Variants in CDH13 observed in about 807,000 individuals in gnomAD.
The protein encoded by CDH13 is cadherin 13.
In CDH13, 24 loss-of-function variants were observed where a neutral mutation model predicts 63.8. The observed-to-expected ratio is 0.38, with a 90% CI of 0.27 to 0.53. The LOEUF (loss-of-function observed/expected upper bound fraction) is 0.53. Among genes scored for constraint, CDH13 ranks in the 20% least tolerant of loss-of-function variants. The probability of loss-of-function intolerance (pLI) is 0.85; values close to 1 mark genes in which losing one functional copy is unlikely to be tolerated. For synonymous variants in CDH13, 503 were observed against 355.3 expected, an observed-to-expected ratio of 1.42 and a Z score of -4.67; for missense variants, 1,049 against 903.1, an observed-to-expected ratio of 1.16 and a Z score of -2.07.
chr16:83,727,555 C>T (rs1206530383), intron 10 of CDH13, among the ~76,000 whole-genome samples: 1 of 151,810 alleles, frequency 6.6e-6, no homozygotes, highest in Non-Finnish European at 1.5e-5. Context: ...AAAGGAGAAC[C>T]TTCCAACCTT....
intron 3 of CDH13, among the ~76,000 whole-genome samples, chr16:83,094,441 G>C (rs1238610394): frequency 6.6e-6 from 1 of 152,208 alleles, no homozygotes; most frequent in Non-Finnish European, 1.5e-5. Flanking sequence ...TGACCCTGCA[G>C]AGAGCTTTAA....
intron 7 of CDH13, among the ~76,000 whole-genome samples, chr16:83,559,408 C>G (rs1413688367): frequency 6.6e-6 from 1 of 152,022 alleles, no homozygotes; most frequent in Non-Finnish European, 1.5e-5. Context: ...CCTGTCTCTA[C>G]TAAAAATATG....
chr16:82,945,960 A>G (rs1904668315), intron 2 of CDH13, among the ~76,000 whole-genome samples: 1 of 152,030 alleles, frequency 6.6e-6, no homozygotes, highest in Admixed American at 6.6e-5. Flanking sequence ...GACTCTTTGG[A>G]GGAAGGATGT....
Position 83,047,690 on chromosome 16 carries a change from A to C in CDH13, c.366+15472A>C, listed in dbSNP as rs991327027. Among the ~76,000 whole-genome samples the C allele has an allele frequency of 1.3e-5, 2 of 152,230 alleles. No homozygotes were observed. The highest frequency in any genetic ancestry group is 4.8e-5 in the African/African-American group (2 of 41,456). On this transcript the variant is annotated intron_variant, in intron 3 of 13. Transcript: ENST00000567109. This position sits in a 1 kb window ranked among gnomAD's most constrained non-coding sequence, Gnocchi z 4.9. ...TAGCACTTACAATATCTGGCTGTGA[A>C]TAAATAATTTCTTAATGACTTAGCA... is the stretch of plus-strand genomic sequence containing the variant.
chr16:82,689,982 TAAAAAAAA>T (rs71146085), intron 1 of CDH13, among the ~76,000 whole-genome samples: 35 of 15,774 alleles, frequency 2.2e-3, no homozygotes, highest in East Asian at 6.7e-3. Context: ...CCATCTCTAC[TAAAAAAAA>T]AAAAAAAAAA....
chr16:83,546,441 T>C (rs2075387750), intron 7 of CDH13, among the ~76,000 whole-genome samples: 1 of 152,182 alleles, frequency 6.6e-6, no homozygotes. Context: ...TTTTTTTTTT[T>C]TTAATCAAAG....
intron 11 of CDH13, among the ~76,000 whole-genome samples, chr16:83,750,098 C>T (rs1365748882): frequency 1.3e-5 from 2 of 152,086 alleles, no homozygotes; most frequent in Non-Finnish European, 2.9e-5. Flanking sequence ...GAGTTTGAGA[C>T]CAGCCTGGCC....
In CDH13 at chr16:82,836,034, T is replaced by C. The variant is rs139013444; in HGVS notation, c.46-22328T>C. ...TGTGTCATGTGTATCTGGTAGAATG[T>C]CTGAAATGCATTCTTCCCATATGGC... On this transcript the variant is annotated intron_variant, in intron 1 of 13. Coordinates refer to ENST00000567109, the MANE Select transcript of CDH13 (RefSeq NM_001257.5). 3.0e-3 allele frequency among the ~76,000 whole-genome samples: 460 copies of C among 152,330 alleles called. 4 individuals carry two copies. Among genetic ancestry groups the C allele is most frequent in the African/African-American group, 0.011 (438 of 41,568 alleles).
intron 8 of CDH13, among the ~76,000 whole-genome samples, chr16:83,613,526 C>A (rs1312986943): frequency 6.6e-6 from 1 of 152,034 alleles, no homozygotes; most frequent in Non-Finnish European, 1.5e-5. Flanking sequence ...TCTACTATAC[C>A]CATTTATTGA....
chr16:83,702,107 A>C (rs1254726872), intron 10 of CDH13, among the ~76,000 whole-genome samples: 1 of 152,166 alleles, frequency 6.6e-6, no homozygotes, highest in African/African-American at 2.4e-5. Context: ...AATCATCCCA[A>C]ATATACCTTG....
intron 7 of CDH13, among the ~76,000 whole-genome samples, chr16:83,538,479 C>G (rs963044689): frequency 1.3e-5 from 2 of 152,132 alleles, no homozygotes; most frequent in Non-Finnish European, 2.9e-5. Flanking sequence ...TGAGATTTCA[C>G]CCAGGTGGTT....
intron 3 of CDH13, among the ~76,000 whole-genome samples, chr16:83,060,306 A>T (rs1296057622): frequency 1.3e-5 from 2 of 152,224 alleles, no homozygotes; most frequent in African/African-American, 4.8e-5. Flanking sequence ...TCCAGCTGAA[A>T]AATTGTGGAT....
At chr16:83,313,985 C>A (rs2090053794) in intron 5 of CDH13, among the ~76,000 whole-genome samples, 1 of 152,042 alleles carries the variant, frequency 6.6e-6, no homozygotes, top group Non-Finnish European at 1.5e-5. Context: ...ATGTATTTTC[C>A]AGCACACAAA....
chr16:83,693,325 G>T (rs1780119695), intron 10 of CDH13, among the ~76,000 whole-genome samples: 1 of 152,212 alleles, frequency 6.6e-6, no homozygotes, highest in Non-Finnish European at 1.5e-5. Flanking sequence ...TTAGAACACA[G>T]TGCACGGTAC....
At chr16:83,177,467 C>T (rs4073184) in intron 4 of CDH13, among the ~76,000 whole-genome samples, 4,003 of 152,220 alleles carry the variant, frequency 0.026, 151 homozygotes, top group African/African-American at 0.09. Context: ...ATGGCATATC[C>T]GCAAGCCAAG....
At chr16:83,427,270 C>A (rs1200420936) in intron 6 of CDH13, among the ~76,000 whole-genome samples, 1 of 151,532 alleles carries the variant, frequency 6.6e-6, no homozygotes, top group Non-Finnish European at 1.5e-5. Flanking sequence ...AGTTAAGGAT[C>A]TTGAGATGGA....
intron 7 of CDH13, among the ~76,000 whole-genome samples, chr16:83,592,936 C>G (rs1278794101): frequency 6.6e-6 from 1 of 152,166 alleles, no homozygotes; most frequent in East Asian, 1.9e-4. Flanking sequence ...TCGACCTCTG[C>G]AGTGGGAATA....
At chr16:83,410,432 G>A (rs16960410) in intron 6 of CDH13, among the ~76,000 whole-genome samples, 4,186 of 152,162 alleles carry the variant, frequency 0.028, 81 homozygotes, top group African/African-American at 0.052. Flanking sequence ...GCATTTCTAA[G>A]CATCTGACCA....
chr16:83,469,181 G>T (rs953450074), intron 6 of CDH13, among the ~76,000 whole-genome samples: 1 of 152,162 alleles, frequency 6.6e-6, no homozygotes, highest in Non-Finnish European at 1.5e-5. Context: ...GCTGCTAAGG[G>T]CTTTTCAACT....
Sources: gnomAD v4.1 joint callset for allele counts (sites outside exome capture counted in the v4.1 genomes callset) on GRCh38, gnomAD v4.1.1 for gene constraint, Gnocchi (gnomAD v3.1) non-coding constraint, MANE v1.5 for transcripts, NCBI Gene and HGNC (gene_info 2026-07-23, HGNC 2026-07-21) for gene names.